PDLIM2: variants seen among roughly 807,000 people sequenced by gnomAD.
PDLIM2 encodes the protein PDZ and LIM domain protein 2.
A neutral mutation model predicts 54.1 loss-of-function variants in PDLIM2; 51 were observed. The observed-to-expected ratio is 0.94, with a 90% CI of 0.75 to 1.19. The LOEUF is 1.19. PDLIM2 is among the 50% of genes most tolerant of loss of function. PDLIM2 has a pLI of 0.00. For synonymous variants in PDLIM2, 398 were observed against 385.6 expected (o/e 1.03, Z -0.38); for missense variants, 912 against 874.0 (o/e 1.04, Z -0.55).
chr8:22,585,554 AG>A, intron 6 of PDLIM2, 155 bp downstream of exon 5: 1 of 563,756 alleles, frequency 1.8e-6, no homozygotes, highest in Non-Finnish European at 2.7e-6. Flanking sequence ...TGAGCCAGGG[AG>A]GCCATGCTTC....
chr8:22,589,638 G>C (rs146059951), exon 8 of PDLIM2: 2 of 1,595,790 alleles, frequency 1.3e-6, no homozygotes, highest in Admixed American at 1.7e-5. Context: ...ACGAGGACTC[G>C]GAAGTCTTCA....
chr8:22,583,854 GAAAAAAAAAAA>G (rs530039600), intron 3 of PDLIM2, among the ~76,000 whole-genome samples: 3,188 of 79,126 alleles, frequency 0.04, 65 homozygotes, highest in African/African-American at 0.16. Flanking sequence ...AGGCAAAATA[GAAAAAAAAAAA>G]AAAAAAAAAA....
At chr8:22,581,980 A>AC (rs1563859915) in intron 3 of PDLIM2, among the ~76,000 whole-genome samples, 3 of 152,220 alleles carry the variant, frequency 2.0e-5, no homozygotes, top group African/African-American at 7.2e-5. Flanking sequence ...TGGGGGGCTC[A>AC]TTCCTCATAG....
chr8:22,580,274 C>T (rs949491041), intron 1 of PDLIM2: 26 of 391,178 alleles, frequency 6.6e-5, no homozygotes, highest in East Asian at 5.0e-4. Context: ...GGGGTGCTGG[C>T]ATCCCCTCCA....
In PDLIM2 at chr8:22,579,453, C is replaced by A. The variant is rs987433415; in HGVS notation, c.674C>A (p.Thr225Asn). ...CCTCGGAGCGAAGGAGGCTCCAGAA[C>A]TGGTAGAGCCGGGCCATCGGGCTGG... The change falls in exon 1 of 10, where the codon ACT (threonine) becomes AAT (asparagine). Residue 225 changes from threonine (T) to asparagine (N), a missense_variant. Physicochemically the swap from Thr to Asn is moderately conservative, Grantham distance 65. Transcript: ENST00000308354. 6.6e-6 allele frequency: 10 copies of A among 1,518,830 alleles called. No homozygotes were observed. The highest frequency in any genetic ancestry group is 5.6e-5 in the African/African-American group (4 of 70,806). The allele number at this position is 1,518,830 out of a possible 1,614,324, so 94.1% of individuals were successfully genotyped here.
intron 8 of PDLIM2, 170 bp downstream of exon 7, chr8:22,589,911 GACGGT>G: frequency 1.1e-6 from 1 of 894,358 alleles, no homozygotes. Flanking sequence ...ATAAGGAGCT[GACGGT>G]CCGGGAGGGT....
Position 22,589,868 on chromosome 8 carries a change from G to A in PDLIM2, c.1513+127G>A, listed in dbSNP as rs1800493013. 2.3e-6 allele frequency: 3 copies of A among 1,319,682 alleles called. No homozygotes were observed. The Admixed American group carries it at 7.1e-5, about 31-fold the overall frequency. The allele number at this position is 1,319,682 out of a possible 1,614,324, so 81.7% of individuals were successfully genotyped here. On this transcript the variant is annotated intron_variant, in intron 8 of 9. Coordinates refer to ENST00000308354, the Ensembl canonical transcript of PDLIM2. The stretch of plus-strand genomic sequence containing the variant: ...TGCTCACCCCAGGACTAGGCACGGA[G>A]CCGAGCAGAGCGCGAAGCCCCAGCC...
intron 9 of PDLIM2, chr8:22,592,419 T>G (rs1421375687): frequency 6.6e-6 from 1 of 152,202 alleles, no homozygotes; most frequent in African/African-American, 2.4e-5. Flanking sequence ...GCATTTATAA[T>G]GCAACCACAT....
intron 3 of PDLIM2, among the ~76,000 whole-genome samples, chr8:22,582,354 G>A (rs1586919816): frequency 6.6e-6 from 1 of 152,154 alleles, no homozygotes; most frequent in South Asian, 2.1e-4. Flanking sequence ...CTGGGTGTTT[G>A]CAGGAGCGGG....
At chr8:22,586,175 G>A (rs1281487383) in intron 6 of PDLIM2, among the ~76,000 whole-genome samples, 1 of 152,164 alleles carries the variant, frequency 6.6e-6, no homozygotes, top group African/African-American at 2.4e-5. Flanking sequence ...AGAGCCTTTG[G>A]GGGTGGCCAG....
intron 3 of PDLIM2, 135 bp from the exon 3 acceptor site, chr8:22,584,686 T>C: frequency 2.7e-6 from 2 of 733,430 alleles, no homozygotes; most frequent in East Asian, 5.3e-5. Flanking sequence ...AAGTTAAAAG[T>C]TGACAACCGG....
chr8:22,581,549 C>T lies in PDLIM2; in HGVS notation c.995+19C>T. On this transcript the variant is annotated intron_variant, in intron 3 of 9. Coordinates refer to ENST00000308354, the Ensembl canonical transcript of PDLIM2. Reference sequence around the variant, plus strand: ...TGGACCGGTAGGGCCTCCCGCTCTGCAGAGCCTGTGGCATTCCCCCTCCTC... The same window carrying T: ...TGGACCGGTAGGGCCTCCCGCTCTGTAGAGCCTGTGGCATTCCCCCTCCTC... 6.4e-7 allele frequency: 1 copy of T among 1,553,358 alleles called. No individual in the cohort carries two copies. Among genetic ancestry groups the T allele is most frequent in the African/African-American group, 1.3e-5 (1 of 74,150 alleles).
At chr8:22,595,482 C>T (rs1800667384), downstream of PDLIM2, 1 of 152,278 alleles carries the variant, frequency 6.6e-6, no homozygotes, top group Non-Finnish European at 1.5e-5. Flanking sequence ...AGATACAGCA[C>T]TCCTCATGCC....
exon 5 of PDLIM2, chr8:22,585,085 C>T (rs570947379): frequency 1.2e-6 from 2 of 1,614,008 alleles, no homozygotes; most frequent in African/African-American, 1.3e-5. Context: ...CAACCTCCCT[C>T]AGCCCGAGGG....
intron 1 of PDLIM2, chr8:22,579,821 T>G (rs1481210039): frequency 1.2e-5 from 4 of 331,032 alleles, no homozygotes; most frequent in East Asian, 4.8e-5. Flanking sequence ...GGGCACTTCC[T>G]TGCCCAGCGG....
chr8:22,593,971 ATGGCAG>A, exon 10 of PDLIM2: 3 of 1,512,390 alleles, frequency 2.0e-6, no homozygotes, highest in Non-Finnish European at 2.7e-6. Flanking sequence ...ATAAGTTGGC[ATGGCAG>A]GGACAATGGT....
At chr8:22,584,835 C>T (rs1800323204) in exon 4 of PDLIM2, 5 of 1,614,006 alleles carry the variant, frequency 3.1e-6, no homozygotes, top group Non-Finnish European at 4.2e-6. Flanking sequence ...CAGGCTACGT[C>T]TCCAGGGCAG....
chr8:22,581,577 C>G (rs1800208265), intron 3 of PDLIM2, 47 bp downstream of exon 2: 1 of 1,527,770 alleles, frequency 6.5e-7, no homozygotes, highest in East Asian at 2.3e-5. Context: ...CCCTCCTCCA[C>G]CACCCCACGT....
chr8:22,580,748 G>T (rs775714091), intron 2 of PDLIM2, 51 bp downstream of exon 1: 1 of 1,577,620 alleles, frequency 6.3e-7, no homozygotes, highest in African/African-American at 1.3e-5. Flanking sequence ...AAGCGAGGTC[G>T]GCCCTGTTCA....
Sources: gnomAD v4.1 joint callset for allele counts (sites outside exome capture counted in the v4.1 genomes callset) on GRCh38, gnomAD v4.1.1 for gene constraint, MANE v1.5 for transcripts, NCBI Gene and HGNC (gene_info 2026-07-23, HGNC 2026-07-21) for gene names.